TTC1: variants seen among roughly 807,000 people sequenced by gnomAD.
TTC1 encodes tetratricopeptide repeat protein 1.
TTC1 carries 31 observed loss-of-function variants against 37.6 expected under a neutral mutation model. The ratio of observed to expected loss-of-function variants is 0.82; its 90% CI spans 0.62 to 1.11. TTC1 has a LOEUF of 1.11. TTC1 is among the 50% of genes most tolerant of loss of function. The pLI, the probability that TTC1 is intolerant of heterozygous loss-of-function variation, is 0.00. For synonymous variants in TTC1, 127 were observed against 122.4 expected (o/e 1.04, Z -0.25); for missense variants, 351 against 339.0 (o/e 1.04, Z -0.28).
At chr5:160,060,417 G>A (rs1317127320) in intron 7 of TTC1, among the ~76,000 whole-genome samples, 1 of 152,180 alleles carries the variant, frequency 6.6e-6, no homozygotes, top group Non-Finnish European at 1.5e-5. Flanking sequence ...TCTGGTCTAA[G>A]CACGAGTAGT....
At chr5:160,037,781 G>T (rs575044237) in intron 4 of TTC1, among the ~76,000 whole-genome samples, 116 of 144,350 alleles carry the variant, frequency 8.0e-4, no homozygotes, top group South Asian at 2.7e-3. Context: ...AATGAGAGTG[G>T]TTTTTTTTTT....
chr5:160,059,273 C>A (rs1191960718), intron 7 of TTC1, among the ~76,000 whole-genome samples: 1 of 152,236 alleles, frequency 6.6e-6, no homozygotes, highest in African/African-American at 2.4e-5. Context: ...TAACTTTTTG[C>A]AGCTTCTATG....
Position 160,065,022 on chromosome 5 carries a change from C to G in TTC1, c.836C>G (p.Ser279Trp), listed in dbSNP as rs370929511. 1.2e-6 allele frequency: 2 copies of G among 1,613,616 alleles called. No homozygotes were observed. The highest frequency in any genetic ancestry group is 1.7e-6 in the Non-Finnish European group (2 of 1,179,950). ...ATCAAACAGGATTCCTCTACCGGCT[C>G]GTACTCCATCAATTTCGTTCAAAAT... ...FQIKQDSSTGSYSINFVQNPN... is the reference protein window; with the variant it reads ...FQIKQDSSTGWYSINFVQNPN... Residue 279 changes from serine to tryptophan, a missense_variant, in exon 8 of 8, where the codon TCG becomes TGG. By Grantham distance (177) the Ser-to-Trp change is radical. Transcript: ENST00000231238.
In TTC1 at chr5:160,035,165, T is replaced by TA; in HGVS notation, c.359dup (p.Glu121GlyfsTer5). On this transcript the variant is annotated frameshift_variant, in exon 3 of 8. Transcript: ENST00000231238. LOFTEE classifies it high-confidence loss of function. ...AAAAGAAGAGAAGAGAGCACTAGACTAAAGGAGGAGGGAAATGAACAGTTT... is the reference window on the plus strand; with the variant it reads ...AAAAGAAGAGAAGAGAGCACTAGACTAAAAGGAGGAGGGAAATGAACAGTTT... The TA allele has an allele frequency of 6.2e-7, 1 of 1,604,760 alleles. No homozygotes were observed. Among genetic ancestry groups the TA allele is most frequent in the Non-Finnish European group, 8.5e-7 (1 of 1,176,562 alleles).
intron 5 of TTC1, among the ~76,000 whole-genome samples, chr5:160,044,172 G>C (rs1387763489): frequency 1.3e-5 from 2 of 151,996 alleles, no homozygotes; most frequent in African/African-American, 4.8e-5. Context: ...GACAATTATA[G>C]AGTGCAAGAG....
chr5:160,028,551 A>G (rs952214769), intron 2 of TTC1, among the ~76,000 whole-genome samples: 1 of 152,066 alleles, frequency 6.6e-6, no homozygotes, highest in South Asian at 2.1e-4. Flanking sequence ...TGGCACAATC[A>G]TGGCCTCAAC....
intron 4 of TTC1, among the ~76,000 whole-genome samples, chr5:160,041,727 T>C (rs971079162): frequency 6.6e-6 from 1 of 152,146 alleles, no homozygotes; most frequent in Non-Finnish European, 1.5e-5. Context: ...TGTCATTAGG[T>C]GATAGGAATT....
In TTC1 at chr5:160,065,333, C is replaced by T. The variant is rs1190340297; in HGVS notation, c.*268C>T. On this transcript the variant is annotated 3_prime_UTR_variant, in exon 8 of 8. Transcript: ENST00000231238. ...TGGCTGTCCTATGTCCAGGAAGAAG[C>T]CCATTTGTTGAGGCTGACCTTCCTG... 3.5e-6 allele frequency: 2 copies of T among 577,526 alleles called. No individual in the cohort carries two copies. Among genetic ancestry groups the T allele is most frequent in the Admixed American group, 2.2e-5 (1 of 45,910 alleles). The allele number at this position is 577,526 out of a possible 1,614,324, so 35.8% of individuals were successfully genotyped here.
intron 2 of TTC1, among the ~76,000 whole-genome samples, chr5:160,033,922 T>C (rs997400885): frequency 6.6e-6 from 1 of 152,166 alleles, no homozygotes; most frequent in Non-Finnish European, 1.5e-5. Flanking sequence ...TAACTGTATT[T>C]CCTCCCTTTG....
At position 160,057,040 on chromosome 5, in the gene TTC1, C is replaced by T. The variant is rs551507622; in HGVS notation, c.745+5857C>T. Among the ~76,000 whole-genome samples, 21 of 152,084 alleles carry T rather than the reference C, an allele frequency of 1.4e-4. No individual in the cohort carries two copies. The South Asian group carries it at 4.0e-3, about 29-fold the overall frequency. On this transcript the variant is annotated intron_variant, in intron 7 of 7. Coordinates refer to ENST00000231238, the MANE Select transcript of TTC1 (RefSeq NM_003314.3). The surrounding 1 kb of genome is among the most constrained non-coding windows in gnomAD (Gnocchi z 4.4). ...CTGATATCTGTCATTACAGACTGTA[C>T]ACTTGCAGGATTTTGCACTCTGGCC...
intron 2 of TTC1, among the ~76,000 whole-genome samples, chr5:160,018,956 C>T (rs1756653832): frequency 6.6e-6 from 1 of 152,188 alleles, no homozygotes; most frequent in Non-Finnish European, 1.5e-5. Context: ...AGAATGATTC[C>T]TTGTCTTCAG....
intron 7 of TTC1, among the ~76,000 whole-genome samples, chr5:160,052,548 C>CAAAAAAAAAA (rs557157232): frequency 1.5e-5 from 1 of 68,068 alleles, no homozygotes; most frequent in Non-Finnish European, 2.6e-5. Flanking sequence ...TCTATTTTAG[C>CAAAAAAAAAA]AAAAAAAAAA....
intron 2 of TTC1, among the ~76,000 whole-genome samples, chr5:160,033,578 T>C (rs1756953101): frequency 6.6e-6 from 1 of 152,210 alleles, no homozygotes; most frequent in Non-Finnish European, 1.5e-5. Flanking sequence ...ACAAAAGAGG[T>C]TGAATTGACT....
At chr5:160,042,056 A>G (rs915466719) in intron 4 of TTC1, among the ~76,000 whole-genome samples, 2 of 152,080 alleles carry the variant, frequency 1.3e-5, no homozygotes, top group Admixed American at 6.6e-5. Context: ...CAGCCTCCCA[A>G]GTAGCTGGGA....
intron 2 of TTC1, among the ~76,000 whole-genome samples, chr5:160,031,664 G>C (rs1357171628): frequency 6.6e-6 from 1 of 151,960 alleles, no homozygotes; most frequent in Admixed American, 6.6e-5. Context: ...ACATTCTGGA[G>C]CCTTTCGCTT....
At chr5:160,033,767 A>G (rs989601334) in intron 2 of TTC1, among the ~76,000 whole-genome samples, 8 of 152,190 alleles carry the variant, frequency 5.3e-5, no homozygotes, top group African/African-American at 1.4e-4. Context: ...CCGTCCCTTG[A>G]CCCGTGGGGA....
intron 2 of TTC1, among the ~76,000 whole-genome samples, chr5:160,020,118 G>C (rs527685266): frequency 6.7e-5 from 10 of 148,488 alleles, no homozygotes; most frequent in African/African-American, 2.2e-4. Flanking sequence ...TAGTAGAGAC[G>C]GAGTTTCACC....
chr5:160,041,189 A>T (rs1757085377), intron 4 of TTC1, among the ~76,000 whole-genome samples: 1 of 152,160 alleles, frequency 6.6e-6, no homozygotes, highest in South Asian at 2.1e-4. Flanking sequence ...AGGCTGTTTG[A>T]CAGTACACTT....
At chr5:160,018,921 G>A (rs1030785570) in intron 2 of TTC1, among the ~76,000 whole-genome samples, 9 of 152,188 alleles carry the variant, frequency 5.9e-5, no homozygotes, top group Non-Finnish European at 1.3e-4. Context: ...CAGTGGATTC[G>A]ATTGGCGGGA....
Sources: allele counts gnomAD v4.1 joint callset (sites outside exome capture counted in the v4.1 genomes callset), GRCh38; gene constraint gnomAD v4.1.1; non-coding constraint Gnocchi (gnomAD v3.1); transcripts MANE v1.5; gene names NCBI Gene and HGNC (gene_info 2026-07-23, HGNC 2026-07-21).